The following IER3IP1 variants were observed in gnomAD, a reference collection of about 807,000 sequenced individuals.
IER3IP1 encodes immediate early response 3 interacting protein 1, also known as immediate early response 3-interacting protein 1.
Under a neutral mutation model 12.2 loss-of-function variants are expected in IER3IP1, and 16 were observed. The ratio of observed to expected loss-of-function variants is 1.31; its 90% CI spans 0.89 to 1.99. The LOEUF is 1.99. Ranked by LOEUF, IER3IP1 falls within the 30% of genes most tolerant of loss-of-function variation. The pLI, the probability that IER3IP1 is intolerant of heterozygous loss-of-function variation, is 0.00. For synonymous variants in IER3IP1, 42 were observed against 40.0 expected, an observed-to-expected ratio of 1.05 and a Z score of -0.19; for missense variants, 95 against 95.8, an observed-to-expected ratio of 0.99 and a Z score of 0.03.
intron 1 of IER3IP1, among the ~76,000 whole-genome samples, chr18:47,166,999 A>G (rs1433567911): frequency 2.6e-5 from 4 of 152,110 alleles, no homozygotes; most frequent in Non-Finnish European, 4.4e-5. Flanking sequence ...TGGAAGACAA[A>G]GTTCCAGACG....
At chr18:47,171,808 T>G (rs560311393) in intron 1 of IER3IP1, among the ~76,000 whole-genome samples, 1 of 152,316 alleles carries the variant, frequency 6.6e-6, no homozygotes, top group East Asian at 1.9e-4. Flanking sequence ...GGTCTTTTTT[T>G]TTGAGACAGG....
intron 1 of IER3IP1, among the ~76,000 whole-genome samples, chr18:47,167,021 A>T (rs984728378): frequency 2.0e-5 from 3 of 151,918 alleles, no homozygotes; most frequent in Admixed American, 6.6e-5. Flanking sequence ...CAAAGTATTA[A>T]TATTTCTGGG....
At chr18:47,162,165 A>C (rs905037736) in intron 1 of IER3IP1, among the ~76,000 whole-genome samples, 2 of 152,166 alleles carry the variant, frequency 1.3e-5, no homozygotes, top group African/African-American at 4.8e-5. Context: ...CCCAGGCCAC[A>C]GACCTATTAG....
In IER3IP1 at chr18:47,153,632, A is replaced by G. The variant is rs1459142066; in HGVS notation, c.*2545T>C. The G allele has an allele frequency of 8.1e-6, 1 of 123,678 alleles. No homozygotes were observed. The highest frequency in any genetic ancestry group is 1.9e-5 in the Non-Finnish European group (1 of 52,930). 7.7% of individuals were successfully genotyped at this position (123,678 alleles called of 1,614,324 possible). On this transcript the variant is annotated 3_prime_UTR_variant, in exon 3 of 3. Coordinates refer to ENST00000256433, the MANE Select transcript of IER3IP1 (RefSeq NM_016097.5). ...ATCATTTAGCTCCCACTTATAAGTAATAACATGTGGTATTTGGTTTTCTGT... is the reference window on the plus strand; with the variant it reads ...ATCATTTAGCTCCCACTTATAAGTAGTAACATGTGGTATTTGGTTTTCTGT...
chr18:47,159,450 T>C (rs1284476878), intron 1 of IER3IP1, among the ~76,000 whole-genome samples: 1 of 152,260 alleles, frequency 6.6e-6, no homozygotes, highest in East Asian at 1.9e-4. Flanking sequence ...TGTGGTAATG[T>C]ACTTTTGCAG....
At chr18:47,164,676 G>A (rs2063990255) in intron 1 of IER3IP1, among the ~76,000 whole-genome samples, 1 of 151,874 alleles carries the variant, frequency 6.6e-6, no homozygotes, top group Non-Finnish European at 1.5e-5. Context: ...CAGCTACTCA[G>A]GAGGCTGAGG....
chr18:47,160,817 T>A (rs1178086889), intron 1 of IER3IP1, among the ~76,000 whole-genome samples: 1 of 152,178 alleles, frequency 6.6e-6, no homozygotes, highest in Non-Finnish European at 1.5e-5. Context: ...AGGACATATC[T>A]TTTTTCCCCT....
chr18:47,172,048 C>T lies in IER3IP1; in HGVS notation c.91+4139G>A, dbSNP rs2064017224. 6.6e-6 allele frequency among the ~76,000 whole-genome samples: 1 copy of T among 152,172 alleles called. No individual in the cohort carries two copies. The highest frequency in any genetic ancestry group is 2.1e-4 in the South Asian group (1 of 4,832). The stretch of plus-strand genomic sequence containing the variant: ...CCGCCCACCTTGGCCTCCCAAAGTG[C>T]TGGGATTACAGGCATGAGCCACGGT... On this transcript the variant is annotated intron_variant, in intron 1 of 2. Transcript: ENST00000256433. The surrounding 1 kb of genome is among the most constrained non-coding windows in gnomAD (Gnocchi z 4.0).
intron 1 of IER3IP1, among the ~76,000 whole-genome samples, chr18:47,158,572 G>A (rs2063969078): frequency 1.3e-5 from 2 of 151,764 alleles, no homozygotes; most frequent in East Asian, 2.0e-4. Context: ...GAACTCCTGG[G>A]CTCAAGCGAT....
chr18:47,170,080 T>C (rs1036168302), intron 1 of IER3IP1, among the ~76,000 whole-genome samples: 2 of 152,182 alleles, frequency 1.3e-5, no homozygotes, highest in Non-Finnish European at 2.9e-5. Flanking sequence ...TTTGTAAGTC[T>C]ATGATTATGA....
At chr18:47,173,371 T>C (rs747908200) in intron 1 of IER3IP1, among the ~76,000 whole-genome samples, 12 of 152,084 alleles carry the variant, frequency 7.9e-5, no homozygotes, top group Non-Finnish European at 1.2e-4. Context: ...CTTCGAGACA[T>C]AGTCTTGCTC....
At chr18:47,167,101 AG>A (rs1205501185) in intron 1 of IER3IP1, among the ~76,000 whole-genome samples, 1 of 151,482 alleles carries the variant, frequency 6.6e-6, no homozygotes, top group African/African-American at 2.4e-5. Flanking sequence ...CCCAGGCTGG[AG>A]TCCAGTGGCG....
In IER3IP1 at chr18:47,155,342, G is replaced by A. The variant is rs2063954637; in HGVS notation, c.*835C>T. On this transcript the variant is annotated 3_prime_UTR_variant, in exon 3 of 3. Coordinates refer to ENST00000256433, the MANE Select transcript of IER3IP1 (RefSeq NM_016097.5). Reference sequence around the variant, plus strand: ...TAGAAATGTAATGATTTTTTGAAAGGTAAATGCTTCACAATAAACAGTCTT... The same window carrying A: ...TAGAAATGTAATGATTTTTTGAAAGATAAATGCTTCACAATAAACAGTCTT... The A allele has an allele frequency of 6.6e-6, 1 of 152,066 alleles. No individual in the cohort carries two copies. The highest frequency in any genetic ancestry group is 6.5e-5 in the Admixed American group (1 of 15,270). 9.4% of individuals were successfully genotyped at this position (152,066 alleles called of 1,614,324 possible).
At chr18:47,173,156 G>A (rs1216397538) in intron 1 of IER3IP1, among the ~76,000 whole-genome samples, 1 of 152,082 alleles carries the variant, frequency 6.6e-6, no homozygotes, top group Non-Finnish European at 1.5e-5. Context: ...CTCAAACTGA[G>A]CATGACTAAA....
At chr18:47,160,726 T>C (rs756032466) in intron 1 of IER3IP1, among the ~76,000 whole-genome samples, 1 of 152,232 alleles carries the variant, frequency 6.6e-6, no homozygotes, top group African/African-American at 2.4e-5. Context: ...TTAGGAATTA[T>C]GGCATCCAGG....
At chr18:47,175,917 C>T (rs1364834577) in intron 1 of IER3IP1, among the ~76,000 whole-genome samples, 4 of 152,172 alleles carry the variant, frequency 2.6e-5, no homozygotes, top group African/African-American at 7.2e-5. Flanking sequence ...AATTACTGAC[C>T]TGAAGTAATC....
At chr18:47,158,550 C>T (rs185086535) in intron 1 of IER3IP1, among the ~76,000 whole-genome samples, 412 of 151,680 alleles carry the variant, frequency 2.7e-3, no homozygotes, top group African/African-American at 9.6e-3. Flanking sequence ...TCATGTTACC[C>T]AGGCTGGTCT....
chr18:47,168,301 C>CAA (rs35347851), intron 1 of IER3IP1, among the ~76,000 whole-genome samples: 5,305 of 106,982 alleles, frequency 0.05, 152 homozygotes, highest in East Asian at 0.099. Flanking sequence ...GACTCCATCA[C>CAA]AAAAAAAAAA....
Position 47,157,543 on chromosome 18 carries a change from T to A in IER3IP1, c.92-6A>T. ...CTGGTCTGTTCCCCAGCCAACTGTA[T>A]AATGTAAAGATTAGCTGTGTTAAAA... On this transcript the variant is annotated splice_region_variant and splice_polypyrimidine_tract_variant and intron_variant, in intron 1 of 2. Coordinates refer to ENST00000256433, the MANE Select transcript of IER3IP1 (RefSeq NM_016097.5). 6.2e-7 allele frequency: 1 copy of A among 1,612,462 alleles called. No individual in the cohort carries two copies. Among genetic ancestry groups the A allele is most frequent in the Non-Finnish European group, 8.5e-7 (1 of 1,178,462 alleles).
Sources: allele counts gnomAD v4.1 joint callset (sites outside exome capture counted in the v4.1 genomes callset), GRCh38; gene constraint gnomAD v4.1.1; non-coding constraint Gnocchi (gnomAD v3.1); transcripts MANE v1.5; gene names NCBI Gene and HGNC (gene_info 2026-07-23, HGNC 2026-07-21).